Variants in SEZ6 observed in about 807,000 individuals in gnomAD.
The protein encoded by SEZ6 is seizure protein 6 homolog.
SEZ6 carries 53 observed loss-of-function variants against 101.0 expected under a neutral mutation model. The ratio of observed to expected loss-of-function variants is 0.52; its 90% confidence interval spans 0.42 to 0.66. The LOEUF (loss-of-function observed/expected upper bound fraction) is 0.66, where lower values mean the gene tolerates loss of function less well. Among genes scored for constraint, SEZ6 ranks in the 30% least tolerant of loss-of-function variants. The pLI, the probability that SEZ6 is intolerant of heterozygous loss-of-function variation, is 0.00. For missense variants in SEZ6, 1,102 were observed against 1,289.4 expected (o/e 0.85, Z 2.23); for synonymous variants, 488 against 512.2 (o/e 0.95, Z 0.64).
In SEZ6 at chr17:28,966,398, G is replaced by A. The variant is rs535432170; in HGVS notation, c.1055-2251C>T. 3.4e-4 allele frequency among the ~76,000 whole-genome samples: 52 copies of A among 151,936 alleles called. No individual in the cohort carries two copies. The East Asian group carries it at 9.5e-3, about 28-fold the overall frequency. On this transcript the variant is annotated intron_variant, in intron 4 of 16. Coordinates refer to ENST00000317338, the MANE Select transcript of SEZ6 (RefSeq NM_178860.5). The stretch of plus-strand genomic sequence containing the variant: ...CTTGGGAGGCTGAGGCAGGAGAATC[G>A]CTTGAACTCGGGAGGCAGAGGTTGC...
At chr17:28,981,312 G>A (rs1199287155) in intron 2 of SEZ6, 59 bp downstream of exon 2, 2 of 1,494,870 alleles carry the variant, frequency 1.3e-6, no homozygotes, top group Non-Finnish European at 1.8e-6. Flanking sequence ...CAGGCTTTTA[G>A]GGGCCCCGCA....
At chr17:28,962,128 C>G (rs1286131592) in intron 5 of SEZ6, among the ~76,000 whole-genome samples, 2 of 152,202 alleles carry the variant, frequency 1.3e-5, no homozygotes, top group African/African-American at 4.8e-5. Context: ...CTTCAGTCCC[C>G]TCTCCCCGCA....
chr17:28,975,364 G>C (rs180825393), intron 3 of SEZ6, among the ~76,000 whole-genome samples: 6 of 152,318 alleles, frequency 3.9e-5, no homozygotes, highest in Non-Finnish European at 8.8e-5. Flanking sequence ...GACTGGCTAG[G>C]AGAAGCCTGG....
intron 1 of SEZ6, among the ~76,000 whole-genome samples, chr17:28,985,355 C>T (rs1170247312): frequency 2.0e-5 from 3 of 152,212 alleles, no homozygotes; most frequent in African/African-American, 7.2e-5. Context: ...CCCAGGGAAG[C>T]CCCCACCCTG....
intron 1 of SEZ6, among the ~76,000 whole-genome samples, chr17:28,994,209 G>A (rs1222074107): frequency 1.3e-5 from 2 of 152,158 alleles, no homozygotes; most frequent in Non-Finnish European, 2.9e-5. Context: ...CAGGCTATGC[G>A]ACCTTGGGTT....
Position 28,957,026 on chromosome 17 carries a change from G to C in SEZ6, c.2692+19C>G. On this transcript the variant is annotated intron_variant, in intron 13 of 16. Coordinates refer to ENST00000317338, the MANE Select transcript of SEZ6 (RefSeq NM_178860.5). The stretch of plus-strand genomic sequence containing the variant: ...CTCTATGGGCCAGGGAGGGTTTTGA[G>C]GGGTGACAGGGCACTCACCAGCCCT... The C allele has an allele frequency of 6.4e-7, 1 of 1,559,130 alleles. No homozygotes were observed. Among genetic ancestry groups the C allele is most frequent in the South Asian group, 1.2e-5 (1 of 83,000 alleles).
At chr17:28,957,767 C>T (rs1009578229) in intron 11 of SEZ6, 180 bp downstream of exon 11, 34 of 859,856 alleles carry the variant, frequency 4.0e-5, no homozygotes, top group African/African-American at 3.2e-4. Context: ...ACTTAGAGTA[C>T]GTGGCTGATA....
intron 4 of SEZ6, among the ~76,000 whole-genome samples, chr17:28,965,554 G>A (rs189765776): frequency 6.6e-6 from 1 of 152,116 alleles, no homozygotes; most frequent in East Asian, 1.9e-4. Context: ...AAGTGGGATC[G>A]CTTGAGCCTA....
chr17:28,958,132 CG>C lies in SEZ6; in HGVS notation c.2116del (p.Arg706AlafsTer23). ...GFVIHFFEVP[R>X]NDTCPELPEI... Reference sequence around the variant, plus strand: ...AGGCAGCTCCGGACATGTGTCATTGCGGGGCACCTCTGGGGGCACAGAGGCA... The same window carrying C: ...AGGCAGCTCCGGACATGTGTCATTGCGGGCACCTCTGGGGGCACAGAGGCA... On this transcript the variant is annotated frameshift_variant, in exon 11 of 17. Coordinates refer to ENST00000317338, the MANE Select transcript of SEZ6 (RefSeq NM_178860.5). LOFTEE classifies it high-confidence loss of function. 1 of 1,592,364 alleles carries C rather than the reference CG, an allele frequency of 6.3e-7. No individual in the cohort carries two copies.
In SEZ6 at chr17:29,002,546, T is replaced by G. The variant is rs1235946772; in HGVS notation, c.55+3269A>C. 2.6e-5 allele frequency among the ~76,000 whole-genome samples: 4 copies of G among 152,280 alleles called. No individual in the cohort carries two copies. The East Asian group carries it at 7.7e-4, about 29-fold the overall frequency. On this transcript the variant is annotated intron_variant, in intron 1 of 16. Transcript: ENST00000317338. Reference sequence around the variant, plus strand: ...ATGGCAGTCTCTGGGTCCTCCAGCCTCCTTGGAAGCCCGGGGCTGGTGGGT... The same window carrying G: ...ATGGCAGTCTCTGGGTCCTCCAGCCGCCTTGGAAGCCCGGGGCTGGTGGGT...
intron 5 of SEZ6, 106 bp downstream of exon 5, chr17:28,963,856 T>G: frequency 1.4e-6 from 2 of 1,392,812 alleles, no homozygotes; most frequent in Non-Finnish European, 2.0e-6. Context: ...ATTTTCTGGC[T>G]TCCTTATGAA....
chr17:28,957,602 C>A, intron 11 of SEZ6, 63 bp from the exon 12 acceptor site: 1 of 1,526,698 alleles, frequency 6.6e-7, no homozygotes, highest in Non-Finnish European at 8.8e-7. Flanking sequence ...CCAATCCACC[C>A]TGGCTTTGTT....
chr17:28,994,208 C>A (rs114604076), intron 1 of SEZ6, among the ~76,000 whole-genome samples: 1 of 151,914 alleles, frequency 6.6e-6, no homozygotes, highest in African/African-American at 2.4e-5. Context: ...ACAGGCTATG[C>A]GACCTTGGGT....
chr17:28,984,410 A>G (rs1034640114), intron 1 of SEZ6, among the ~76,000 whole-genome samples: 13 of 152,188 alleles, frequency 8.5e-5, no homozygotes, highest in Non-Finnish European at 1.6e-4. Context: ...AGAGTACCCA[A>G]CAAGAGATGT....
rs143317020 is a variant in SEZ6, at chr17:28,956,588, G to A, written c.2732-121C>T. The A allele has an allele frequency of 7.5e-5, 112 of 1,484,906 alleles. No individual in the cohort carries two copies. In the African/African-American group the frequency reaches 1.3e-3, roughly 17 times the overall value. 92.0% of individuals were successfully genotyped at this position (1,484,906 alleles called of 1,614,324 possible). A position where few individuals can be genotyped will look rare whatever the true frequency, so the allele number is the denominator to read the frequency against. ...CTCTAGCTGGCTGGGTGTAGGGAAG[G>A]AGCTTTTTAACCTGCTAGGCCCAAA... is the stretch of plus-strand genomic sequence containing the variant. On this transcript the variant is annotated intron_variant, in intron 14 of 16. Transcript: ENST00000317338.
chr17:28,969,330 G>T (rs2041115823), intron 4 of SEZ6, among the ~76,000 whole-genome samples: 1 of 152,198 alleles, frequency 6.6e-6, no homozygotes, highest in African/African-American at 2.4e-5. Context: ...CTTGCATTTG[G>T]GGAGGGCTTC....
intron 1 of SEZ6, among the ~76,000 whole-genome samples, chr17:28,997,276 AG>A (rs1213028573): frequency 6.6e-6 from 1 of 152,166 alleles, no homozygotes; most frequent in Non-Finnish European, 1.5e-5. Context: ...CCCCTTTGCC[AG>A]GGGCTCTTTG....
chr17:28,959,558 G>T lies in SEZ6; in HGVS notation c.1772-86C>A, dbSNP rs1232348116. On this transcript the variant is annotated intron_variant, in intron 8 of 16. Coordinates refer to ENST00000317338, the MANE Select transcript of SEZ6 (RefSeq NM_178860.5). The surrounding 1 kb of genome is among the most constrained non-coding windows in gnomAD (Gnocchi z 4.4). Reference sequence around the variant, plus strand: ...CTGCCCGCAGGAGTGCCCACAAATTGCTGGGACCCCCCACCTCCTCCTTGG... The same window carrying T: ...CTGCCCGCAGGAGTGCCCACAAATTTCTGGGACCCCCCACCTCCTCCTTGG... 1 of 1,562,706 alleles carries T rather than the reference G, an allele frequency of 6.4e-7. No homozygotes were observed.
At chr17:28,971,515 C>G (rs2041151512) in intron 3 of SEZ6, among the ~76,000 whole-genome samples, 2 of 152,000 alleles carry the variant, frequency 1.3e-5, no homozygotes, top group South Asian at 4.2e-4. Flanking sequence ...ATCGCTTGAA[C>G]CTGGGAGGCG....
Sources: allele counts gnomAD v4.1 joint callset (sites outside exome capture counted in the v4.1 genomes callset), GRCh38; gene constraint gnomAD v4.1.1; non-coding constraint Gnocchi (gnomAD v3.1); transcripts MANE v1.5; gene names NCBI Gene and HGNC (gene_info 2026-07-23, HGNC 2026-07-21).